Variants in FSTL5 observed in about 807,000 individuals in gnomAD.
FSTL5 encodes the protein follistatin like 5, also known as follistatin-related protein 5.
In FSTL5, 62 loss-of-function variants were observed where a neutral mutation model predicts 89.1. The ratio of observed to expected loss-of-function variants is 0.70; its 90% CI spans 0.57 to 0.86. FSTL5 has a LOEUF of 0.86. Among genes scored for constraint, FSTL5 ranks in the 40% least tolerant of loss-of-function variants. The pLI is 0.00. For missense variants in FSTL5, 1,057 were observed against 1,001.6 expected, an observed-to-expected ratio of 1.06 and a Z score of -0.75; for synonymous variants, 383 against 346.2, an observed-to-expected ratio of 1.11 and a Z score of -1.18.
At chr4:161,614,207 A>G (rs1283204081) in intron 7 of FSTL5, among the ~76,000 whole-genome samples, 3 of 152,182 alleles carry the variant, frequency 2.0e-5, no homozygotes, top group Admixed American at 2.0e-4. Flanking sequence ...ACAAACTGAT[A>G]TAATTGGTAT....
In FSTL5 at chr4:161,808,947, G is replaced by A. The variant is rs536382956; in HGVS notation, c.410-32873C>T. Among the ~76,000 whole-genome samples, 10 of 152,238 alleles carry A rather than the reference G, an allele frequency of 6.6e-5. No homozygotes were observed. In the East Asian group the frequency reaches 7.7e-4, roughly 12 times the overall value. ...AGAAACGTAAATCATGACCGGGTGC[G>A]GTTGCTCACTCCTGTAACCTCAGCA... is the stretch of plus-strand genomic sequence containing the variant. On this transcript the variant is annotated intron_variant, in intron 4 of 15. Coordinates refer to ENST00000306100, the MANE Select transcript of FSTL5 (RefSeq NM_020116.5).
At chr4:161,791,709 G>C (rs1305106613) in intron 4 of FSTL5, among the ~76,000 whole-genome samples, 1 of 152,214 alleles carries the variant, frequency 6.6e-6, no homozygotes, top group Non-Finnish European at 1.5e-5. Context: ...GGTGGGAGCA[G>C]TCTGATCTGA....
At chr4:161,918,388 A>T (rs1462687244) in intron 4 of FSTL5, among the ~76,000 whole-genome samples, 1 of 152,204 alleles carries the variant, frequency 6.6e-6, no homozygotes, top group Non-Finnish European at 1.5e-5. Flanking sequence ...AATAACCCAG[A>T]CAGTATAAAT....
intron 4 of FSTL5, among the ~76,000 whole-genome samples, chr4:161,810,939 A>G (rs921236926): frequency 3.3e-5 from 5 of 152,184 alleles, no homozygotes; most frequent in Non-Finnish European, 7.4e-5. Flanking sequence ...TAAAGCAAGG[A>G]GCACTCACAA....
At chr4:161,821,364 G>A (rs879266381) in intron 4 of FSTL5, among the ~76,000 whole-genome samples, 3 of 152,064 alleles carry the variant, frequency 2.0e-5, no homozygotes, top group Non-Finnish European at 4.4e-5. Flanking sequence ...GAAGGACAAC[G>A]ACAAGTTACA....
At chr4:161,912,139 G>C (rs929476940) in intron 4 of FSTL5, among the ~76,000 whole-genome samples, 3 of 152,036 alleles carry the variant, frequency 2.0e-5, no homozygotes, top group African/African-American at 7.2e-5. Context: ...TTTTACCACT[G>C]TGTTTTTGAA....
At chr4:161,808,388 C>T (rs1730034884) in intron 4 of FSTL5, among the ~76,000 whole-genome samples, 1 of 152,118 alleles carries the variant, frequency 6.6e-6, no homozygotes, top group Non-Finnish European at 1.5e-5. Flanking sequence ...TAAGTGTACA[C>T]TCATGTTCAT....
chr4:161,523,022 T>C (rs914141035), intron 10 of FSTL5, among the ~76,000 whole-genome samples: 10 of 152,128 alleles, frequency 6.6e-5, no homozygotes, highest in Non-Finnish European at 1.5e-4. Flanking sequence ...GAAACATTTA[T>C]GGAGCCCTCA....
chr4:161,627,255 T>C (rs1372448398), intron 7 of FSTL5, among the ~76,000 whole-genome samples: 1 of 152,200 alleles, frequency 6.6e-6, no homozygotes, highest in Non-Finnish European at 1.5e-5. Context: ...TCTACCACTC[T>C]GCTCAGTCAG....
intron 7 of FSTL5, among the ~76,000 whole-genome samples, chr4:161,653,868 T>C (rs1351860225): frequency 6.6e-6 from 1 of 152,216 alleles, no homozygotes; most frequent in Non-Finnish European, 1.5e-5. Context: ...TGCACTCTGC[T>C]ATTTTAATTT....
chr4:162,118,829 CAGTA>C (rs1336230703), intron 1 of FSTL5, among the ~76,000 whole-genome samples: 2 of 151,834 alleles, frequency 1.3e-5, no homozygotes, highest in Non-Finnish European at 2.9e-5. Flanking sequence ...AAAATATTTT[CAGTA>C]AGTATTATTG....
At chr4:161,753,989 C>A (rs1240718427) in intron 6 of FSTL5, among the ~76,000 whole-genome samples, 2 of 133,446 alleles carry the variant, frequency 1.5e-5, no homozygotes, top group East Asian at 2.2e-4. Context: ...TTGCAGTGAG[C>A]CGAGATCGCG....
chr4:161,779,831 A>ATG (rs1741594359), intron 4 of FSTL5, among the ~76,000 whole-genome samples: 1 of 112,158 alleles, frequency 8.9e-6, no homozygotes, highest in South Asian at 2.8e-4. Flanking sequence ...ATATATATAT[A>ATG]TATATGTATA....
intron 4 of FSTL5, among the ~76,000 whole-genome samples, chr4:161,890,905 T>TA (rs1046044346): frequency 6.6e-6 from 1 of 152,094 alleles, no homozygotes; most frequent in African/African-American, 2.4e-5. Flanking sequence ...GATTGAACGT[T>TA]AAAATTATAT....
chr4:162,053,810 A>G (rs1395542891), intron 2 of FSTL5, among the ~76,000 whole-genome samples: 2 of 151,822 alleles, frequency 1.3e-5, no homozygotes, highest in Non-Finnish European at 3.0e-5. Context: ...TTAAAAGTGA[A>G]CATTCTTATA....
intron 7 of FSTL5, among the ~76,000 whole-genome samples, chr4:161,654,138 A>G (rs557282912): frequency 7.9e-5 from 12 of 152,134 alleles, no homozygotes; most frequent in Non-Finnish European, 1.6e-4. Context: ...TGAATTTCTG[A>G]AACAGAGTGA....
At chr4:161,753,949 G>T (rs1740485628) in intron 6 of FSTL5, among the ~76,000 whole-genome samples, 1 of 148,188 alleles carries the variant, frequency 6.7e-6, no homozygotes, top group Non-Finnish European at 1.5e-5. Flanking sequence ...GGCTGAGGCA[G>T]GAGAATGGTG....
At chr4:161,879,238 T>C (rs1732546551) in intron 4 of FSTL5, among the ~76,000 whole-genome samples, 2 of 152,170 alleles carry the variant, frequency 1.3e-5, no homozygotes, top group Non-Finnish European at 2.9e-5. Flanking sequence ...AATCCAAGAA[T>C]TTCTTCACAC....
At chr4:161,833,830 T>G (rs1730934762) in intron 4 of FSTL5, among the ~76,000 whole-genome samples, 1 of 151,904 alleles carries the variant, frequency 6.6e-6, no homozygotes, top group South Asian at 2.1e-4. Context: ...CTTGACTCTT[T>G]ATCCAATTTG....
Sources: gnomAD v4.1 joint callset for allele counts (sites outside exome capture counted in the v4.1 genomes callset) on GRCh38, gnomAD v4.1.1 for gene constraint, MANE v1.5 for transcripts, NCBI Gene and HGNC (gene_info 2026-07-23, HGNC 2026-07-21) for gene names.